The following ADGRB3 variants were observed in gnomAD, a reference collection of about 807,000 sequenced individuals.
ADGRB3 encodes the protein brain-specific angiogenesis inhibitor 3.
In ADGRB3, 37 loss-of-function variants were observed where a neutral mutation model predicts 193.4. That is an observed-to-expected ratio of 0.19 (90% CI 0.15 to 0.25). ADGRB3 has a LOEUF of 0.25. Among genes scored for constraint, ADGRB3 ranks in the 10% least tolerant of loss-of-function variants. The pLI is 1.00. For missense variants in ADGRB3, 1,637 were observed against 1,852.9 expected (o/e 0.88, Z 2.14); for synonymous variants, 690 against 644.2 (o/e 1.07, Z -1.08).
chr6:69,040,311 TTC>T (rs1770995640), intron 13 of ADGRB3, among the ~76,000 whole-genome samples: 1 of 29,524 alleles, frequency 3.4e-5, no homozygotes, highest in Non-Finnish European at 6.6e-5. Flanking sequence ...CTCTGTCTCT[TTC>T]TTTCTTTCTT....
chr6:69,184,986 C>T (rs1285071587), intron 17 of ADGRB3, among the ~76,000 whole-genome samples: 1 of 152,022 alleles, frequency 6.6e-6, no homozygotes, highest in East Asian at 1.9e-4. Flanking sequence ...AGAGGCCATC[C>T]GTGCATTAGA....
chr6:68,891,261 G>A (rs559728886), intron 3 of ADGRB3, among the ~76,000 whole-genome samples: 16 of 152,220 alleles, frequency 1.1e-4, no homozygotes, highest in African/African-American at 3.4e-4. Context: ...CCCGCAACAC[G>A]TGGGAATTAT....
chr6:68,901,024 G>A (rs1001113159), intron 3 of ADGRB3, among the ~76,000 whole-genome samples: 1 of 152,014 alleles, frequency 6.6e-6, no homozygotes, highest in African/African-American at 2.4e-5. Context: ...TTCTTACCAT[G>A]AGCCCTACTT....
At chr6:69,356,291 G>T (rs1464805594) in intron 28 of ADGRB3, among the ~76,000 whole-genome samples, 2 of 152,134 alleles carry the variant, frequency 1.3e-5, no homozygotes, top group Non-Finnish European at 1.5e-5. Flanking sequence ...GGCAGAATTT[G>T]TAATGAGTAC....
intron 17 of ADGRB3, among the ~76,000 whole-genome samples, chr6:69,078,826 C>T (rs1467786547): frequency 6.6e-6 from 1 of 151,988 alleles, no homozygotes; most frequent in African/African-American, 2.4e-5. Flanking sequence ...AAAATAAGCA[C>T]CATAAAAGAA....
At chr6:68,859,983 A>G (rs1120258) in intron 3 of ADGRB3, among the ~76,000 whole-genome samples, 43,034 of 152,112 alleles carry the variant, frequency 0.28, 6,961 homozygotes, top group Middle Eastern at 0.51. Context: ...CCATAACATA[A>G]TAGTAACTAT....
intron 20 of ADGRB3, among the ~76,000 whole-genome samples, chr6:69,311,553 C>T (rs1768194758): frequency 1.3e-5 from 2 of 151,742 alleles, no homozygotes; most frequent in South Asian, 4.1e-4. Flanking sequence ...AACCTCTGAT[C>T]TCCCTAGGAC....
rs1302738329 is a variant in ADGRB3 at position 68,810,193 on chromosome 6, TA to T, written c.758-120365del. Among the ~76,000 whole-genome samples the T allele has an allele frequency of 2.0e-5, 3 of 152,300 alleles. No homozygotes were observed. In the South Asian group the frequency reaches 6.2e-4, roughly 32 times the overall value. On this transcript the variant is annotated intron_variant, in intron 3 of 31. Coordinates refer to ENST00000370598, the MANE Select transcript of ADGRB3 (RefSeq NM_001704.3). Reference sequence around the variant, plus strand: ...TGATCAACAGCTACTTTACTCCTGGTATTGACCAGGAGTGGCTGCTTTGGGA... The same window carrying T: ...TGATCAACAGCTACTTTACTCCTGGTTTGACCAGGAGTGGCTGCTTTGGGA...
At position 69,076,374 on chromosome 6, in the gene ADGRB3, A is replaced by G. The variant is rs1377152278; in HGVS notation, c.2480+336A>G. 2.0e-5 allele frequency among the ~76,000 whole-genome samples: 3 copies of G among 152,116 alleles called. 1 individual carries two copies. Among genetic ancestry groups the G allele is most frequent in the Non-Finnish European group, 1.5e-5 (1 of 67,966 alleles). ...TCTTGTCCTAGTAATTCAGCTTAGC[A>G]TTGCAGAATAAAATAGCAAGATCTA... On this transcript the variant is annotated intron_variant, in intron 17 of 31. Coordinates refer to ENST00000370598, the MANE Select transcript of ADGRB3 (RefSeq NM_001704.3).
intron 3 of ADGRB3, among the ~76,000 whole-genome samples, chr6:68,670,664 C>CT (rs1198633749): frequency 1.3e-5 from 2 of 151,780 alleles, no homozygotes; most frequent in Non-Finnish European, 2.9e-5. Flanking sequence ...GACTATAGCC[C>CT]TGTAGCATAA....
chr6:68,846,532 T>C (rs1768278081), intron 3 of ADGRB3, among the ~76,000 whole-genome samples: 1 of 152,246 alleles, frequency 6.6e-6, no homozygotes, highest in South Asian at 2.1e-4. Context: ...TTTGGTGTCC[T>C]GTGTCCCAGC....
intron 3 of ADGRB3, among the ~76,000 whole-genome samples, chr6:68,787,727 T>C (rs145380319): frequency 6.6e-6 from 1 of 152,226 alleles, no homozygotes; most frequent in Non-Finnish European, 1.5e-5. Flanking sequence ...TCAGAAAGAA[T>C]GCTACCAGCT....
At chr6:69,169,197 A>G (rs918427390) in intron 17 of ADGRB3, among the ~76,000 whole-genome samples, 3 of 152,150 alleles carry the variant, frequency 2.0e-5, no homozygotes, top group African/African-American at 7.2e-5. Flanking sequence ...GGATTGGGAA[A>G]CAAATGCCCA....
rs570504737 is a variant in ADGRB3, at chr6:68,909,866, A to C, written c.758-20693A>C. On this transcript the variant is annotated intron_variant, in intron 3 of 31. Coordinates refer to ENST00000370598, the MANE Select transcript of ADGRB3 (RefSeq NM_001704.3). The stretch of plus-strand genomic sequence containing the variant: ...TATTGTGAATAGTGCCACAATAAAC[A>C]TACGTGTGCATGTCTTTATAGCAGC... Among the ~76,000 whole-genome samples, 337 of 152,312 alleles carry C rather than the reference A, an allele frequency of 2.2e-3. 3 individuals carry two copies. Among genetic ancestry groups the C allele is most frequent in the African/African-American group, 7.6e-3 (315 of 41,568 alleles).
intron 3 of ADGRB3, among the ~76,000 whole-genome samples, chr6:68,869,998 C>G (rs758942866): frequency 2.0e-5 from 3 of 152,196 alleles, no homozygotes; most frequent in African/African-American, 4.8e-5. Context: ...AGACTTGTCT[C>G]GAACTCTTGA....
intron 3 of ADGRB3, among the ~76,000 whole-genome samples, chr6:68,801,729 A>C (rs1767315156): frequency 6.6e-6 from 1 of 152,018 alleles, no homozygotes; most frequent in Non-Finnish European, 1.5e-5. Flanking sequence ...TAAATAATAA[A>C]TCCTATATCC....
chr6:69,059,563 A>T (rs560739196), intron 15 of ADGRB3, among the ~76,000 whole-genome samples: 23 of 152,238 alleles, frequency 1.5e-4, no homozygotes, highest in African/African-American at 5.1e-4. Flanking sequence ...AAATAATTTT[A>T]TTATTTGAGT....
intron 13 of ADGRB3, among the ~76,000 whole-genome samples, chr6:69,041,974 C>A (rs1771085654): frequency 1.3e-5 from 2 of 152,156 alleles, no homozygotes. Context: ...TTCTCATAAT[C>A]CCCATGTGTC....
chr6:68,963,813 A>C (rs144730067), intron 8 of ADGRB3, among the ~76,000 whole-genome samples: 1,788 of 152,094 alleles, frequency 0.012, 31 homozygotes, highest in African/African-American at 0.036. Flanking sequence ...AACCCCTATA[A>C]ATTTGTTTGA....
Sources: allele counts gnomAD v4.1 joint callset (sites outside exome capture counted in the v4.1 genomes callset), GRCh38; gene constraint gnomAD v4.1.1; transcripts MANE v1.5; gene names NCBI Gene and HGNC (gene_info 2026-07-23, HGNC 2026-07-21).